Variants in TMEM132C observed in about 807,000 individuals in gnomAD.
TMEM132C encodes the protein transmembrane protein 132C.
A neutral mutation model predicts 61.4 loss-of-function variants in TMEM132C; 29 were observed. That is an observed-to-expected ratio of 0.47 (90% CI 0.35 to 0.64). The LOEUF (loss-of-function observed/expected upper bound fraction) is 0.64. Ranked by LOEUF, TMEM132C falls within the 30% of genes least tolerant of loss-of-function variation. The pLI is 0.00. For missense variants in TMEM132C, 1,408 were observed against 1,476.9 expected (o/e 0.95, Z 0.76); for synonymous variants, 656 against 633.1 (o/e 1.04, Z -0.54).
chr12:128,526,826 C>A (rs975491305), intron 2 of TMEM132C, among the ~76,000 whole-genome samples: 3 of 152,108 alleles, frequency 2.0e-5, no homozygotes, highest in African/African-American at 7.2e-5. Context: ...GAGGCAGGAG[C>A]AGCAGTACAG....
chr12:128,346,590 G>A (rs536365400), intron 1 of TMEM132C, among the ~76,000 whole-genome samples: 1 of 152,186 alleles, frequency 6.6e-6, no homozygotes, highest in African/African-American at 2.4e-5. Context: ...GGACTGTTTT[G>A]TAGTTCTTCT....
intron 5 of TMEM132C, among the ~76,000 whole-genome samples, chr12:128,692,588 C>T (rs1339711288): frequency 1.3e-5 from 2 of 152,162 alleles, no homozygotes; most frequent in African/African-American, 4.8e-5. Context: ...ATTGCCAAGG[C>T]CTTGGGGAAG....
intron 1 of TMEM132C, among the ~76,000 whole-genome samples, chr12:128,380,234 G>A (rs752274057): frequency 6.6e-6 from 1 of 152,264 alleles, no homozygotes; most frequent in Non-Finnish European, 1.5e-5. Context: ...CTCATAGTAG[G>A]TGAGCAAGAG....
At chr12:128,437,868 T>G (rs1257130618) in intron 2 of TMEM132C, 1 of 152,236 alleles carries the variant, frequency 6.6e-6, no homozygotes, top group Non-Finnish European at 1.5e-5. Flanking sequence ...ATTCTTTTGG[T>G]CAGAAGCTTA....
chr12:128,503,346 G>A (rs1275123589), intron 2 of TMEM132C, among the ~76,000 whole-genome samples: 1 of 152,166 alleles, frequency 6.6e-6, no homozygotes, highest in East Asian at 1.9e-4. Context: ...TGTAGGCGAG[G>A]AGCCGAGGTT....
intron 2 of TMEM132C, among the ~76,000 whole-genome samples, chr12:128,513,721 C>G (rs906542019): frequency 3.9e-5 from 6 of 152,168 alleles, no homozygotes; most frequent in Non-Finnish European, 8.8e-5. Flanking sequence ...AGAGAGATTT[C>G]TTTTTACTGA....
chr12:128,705,431 C>T lies in TMEM132C; in HGVS notation c.2463C>T (p.Ala821=), dbSNP rs1431514957. 20 of 1,550,956 alleles carry T rather than the reference C, an allele frequency of 1.3e-5. No homozygotes were observed. Among genetic ancestry groups the T allele is most frequent in the Non-Finnish European group, 1.7e-5 (20 of 1,146,960 alleles). Residue 821 remains alanine (A), a synonymous_variant, in exon 9 of 9, where the codon GCC becomes GCT. Transcript: ENST00000435159. ...AGGAAGATGAGATCAAGAACCACGC[C>T]AGCGACCGCCGGCAGAAGGGCCAGC... The part of the protein sequence containing the change: ...DYEEDEIKNH[A]SDRRQKGQHH...
At chr12:128,567,427 TAG>T (rs1247882942) in intron 3 of TMEM132C, among the ~76,000 whole-genome samples, 2 of 114,258 alleles carry the variant, frequency 1.8e-5, no homozygotes. Context: ...CACATACCCA[TAG>T]ACACACACAC....
At chr12:128,316,506 C>T (rs1315988511) in intron 1 of TMEM132C, among the ~76,000 whole-genome samples, 1 of 152,092 alleles carries the variant, frequency 6.6e-6, no homozygotes, top group Non-Finnish European at 1.5e-5. Context: ...GAGTGAGGGC[C>T]CACTGTGAAA....
intron 1 of TMEM132C, among the ~76,000 whole-genome samples, chr12:128,313,751 G>A (rs1329896707): frequency 1.3e-5 from 2 of 152,198 alleles, no homozygotes; most frequent in African/African-American, 4.8e-5. Context: ...AGCTGGCACT[G>A]GCAGTGAGGA....
At chr12:128,519,700 T>C (rs1162059673) in intron 2 of TMEM132C, among the ~76,000 whole-genome samples, 1 of 152,234 alleles carries the variant, frequency 6.6e-6, no homozygotes, top group Non-Finnish European at 1.5e-5. Context: ...TTAATACTTT[T>C]TCCCCTAGGG....
In TMEM132C at chr12:128,669,503, C is replaced by T. The variant is rs768015459; in HGVS notation, c.1392C>T (p.Ala464=). 9 of 1,551,508 alleles carry T rather than the reference C, an allele frequency of 5.8e-6. No homozygotes were observed. Among genetic ancestry groups the T allele is most frequent in the South Asian group, 3.6e-5 (3 of 84,036 alleles). ...TGGTCTCTGTGGAGGAGAACAGTGC[C>T]GTGATGGACATCTCAGAGTCGGTGG... is the stretch of plus-strand genomic sequence containing the variant. ...IKVVSVEENS[A]VMDISESVEC... The change falls in exon 5 of 9, where the codon GCC becomes GCT. Residue 464 remains alanine (A), a synonymous_variant. Coordinates refer to ENST00000435159, the MANE Select transcript of TMEM132C (RefSeq NM_001136103.3).
intron 4 of TMEM132C, among the ~76,000 whole-genome samples, chr12:128,621,528 T>C (rs1297763323): frequency 6.6e-6 from 1 of 152,212 alleles, no homozygotes; most frequent in Non-Finnish European, 1.5e-5. Context: ...CAAGGACGGT[T>C]CTCTCTAGAG....
At chr12:128,412,985 T>A (rs1449614801) in intron 1 of TMEM132C, among the ~76,000 whole-genome samples, 4 of 152,160 alleles carry the variant, frequency 2.6e-5, no homozygotes. Context: ...GAATGTTGTG[T>A]CAAAATATTT....
chr12:128,406,389 C>T (rs532971586), intron 1 of TMEM132C, among the ~76,000 whole-genome samples: 2 of 152,288 alleles, frequency 1.3e-5, no homozygotes, highest in African/African-American at 2.4e-5. Flanking sequence ...ACACACTATC[C>T]TTTTTCCCAT....
At chr12:128,309,760 T>C (rs1464676928) in intron 1 of TMEM132C, among the ~76,000 whole-genome samples, 1 of 150,654 alleles carries the variant, frequency 6.6e-6, no homozygotes, top group Non-Finnish European at 1.5e-5. Context: ...TGAGATGGAG[T>C]CTCGCTGCGT....
intron 6 of TMEM132C, among the ~76,000 whole-genome samples, chr12:128,695,032 G>A (rs1954748671): frequency 6.6e-6 from 1 of 152,158 alleles, no homozygotes; most frequent in African/African-American, 2.4e-5. Flanking sequence ...GTTCATACAT[G>A]TGGAAGCATA....
Position 128,706,085 on chromosome 12 carries a change from G to A in TMEM132C, c.3117G>A (p.Gln1039=). ...CCGGGGGGCGGCAGGGCAGAGAACA[G>A]AAGCAGGACCCCCTGCACTCGCCCA... The part of the protein sequence containing the change: ...ADSGGRQGRE[Q]KQDPLHSPTS... Residue 1039 remains glutamine (Q), a synonymous_variant, in exon 9 of 9, where the codon CAG becomes CAA. Transcript: ENST00000435159. 6.4e-7 allele frequency: 1 copy of A among 1,551,626 alleles called. No homozygotes were observed. Among genetic ancestry groups the A allele is most frequent in the African/African-American group, 1.4e-5 (1 of 73,164 alleles).
intron 4 of TMEM132C, among the ~76,000 whole-genome samples, chr12:128,656,595 G>A (rs372917129): frequency 6.6e-6 from 1 of 152,218 alleles, no homozygotes; most frequent in Non-Finnish European, 1.5e-5. Context: ...TAAAGCACTG[G>A]TAAATGTGCC....
Sources: gnomAD v4.1 joint callset for allele counts (sites outside exome capture counted in the v4.1 genomes callset) on GRCh38, gnomAD v4.1.1 for gene constraint, MANE v1.5 for transcripts, NCBI Gene and HGNC (gene_info 2026-07-23, HGNC 2026-07-21) for gene names.